PDLIM3: variants seen among roughly 807,000 people sequenced by gnomAD.
PDLIM3 encodes PDZ and LIM domain 3, also known as PDZ and LIM domain protein 3.
PDLIM3 carries 36 observed loss-of-function variants against 37.3 expected under a neutral mutation model. The ratio of observed to expected loss-of-function variants is 0.97; its 90% confidence interval spans 0.74 to 1.28. PDLIM3 has a LOEUF of 1.28. Ranked by LOEUF, PDLIM3 falls within the 50% of genes most tolerant of loss-of-function variation. The pLI is 0.00. For missense variants in PDLIM3, 454 were observed against 485.0 expected (o/e 0.94, Z 0.60); for synonymous variants, 174 against 182.4 (o/e 0.95, Z 0.37).
intron 7 of PDLIM3, among the ~76,000 whole-genome samples, chr4:185,503,543 A>G (rs538795536): frequency 1.3e-5 from 2 of 152,346 alleles, no homozygotes; most frequent in South Asian, 2.1e-4. Flanking sequence ...AGTTCATGGC[A>G]GGAGGAATGG....
At chr4:185,533,430 A>AGAAC (rs1178151771) in intron 1 of PDLIM3, among the ~76,000 whole-genome samples, 1 of 152,200 alleles carries the variant, frequency 6.6e-6, no homozygotes, top group Non-Finnish European at 1.5e-5. Flanking sequence ...TGAATAAATA[A>AGAAC]ATGTTCTTAT....
intron 1 of PDLIM3, among the ~76,000 whole-genome samples, chr4:185,532,412 CG>C (rs1561206480): frequency 6.6e-6 from 1 of 151,988 alleles, no homozygotes; most frequent in Non-Finnish European, 1.5e-5. Context: ...TTATACAGGC[CG>C]AAAGCTACAG....
At chr4:185,502,732 G>A (rs1344772518) in intron 7 of PDLIM3, among the ~76,000 whole-genome samples, 2 of 152,100 alleles carry the variant, frequency 1.3e-5, no homozygotes, top group Non-Finnish European at 2.9e-5. Flanking sequence ...TTTCAAACAA[G>A]TACTTTATAG....
At position 185,502,193 on chromosome 4, in the gene PDLIM3, G is replaced by A; in HGVS notation, c.*101C>T. ...GTCTAAAGCCTTGACTTTAGATTTG[G>A]AGTTGACAATCTGCACAATCCTTCT... On this transcript the variant is annotated 3_prime_UTR_variant, in exon 8 of 8. Coordinates refer to ENST00000284767, the MANE Select transcript of PDLIM3 (RefSeq NM_014476.6). 8.4e-7 allele frequency: 1 copy of A among 1,190,444 alleles called. No homozygotes were observed. The highest frequency in any genetic ancestry group is 1.2e-5 in the South Asian group (1 of 81,750). 73.7% of individuals were successfully genotyped at this position (1,190,444 alleles called of 1,614,324 possible).
intron 3 of PDLIM3, 68 bp downstream of exon 3, chr4:185,523,293 TC>T: frequency 9.4e-7 from 1 of 1,064,770 alleles, no homozygotes; most frequent in Non-Finnish European, 1.5e-6. Context: ...TGTCTCTTCC[TC>T]CCCTTGGAAG....
intron 6 of PDLIM3, among the ~76,000 whole-genome samples, chr4:185,506,158 A>G (rs75809706): frequency 0.037 from 5,663 of 152,274 alleles, 354 homozygotes; most frequent in African/African-American, 0.13. Context: ...TTTTTAGAGC[A>G]TTGTTTAGTT....
At chr4:185,526,863 G>A (rs2095735137) in intron 1 of PDLIM3, among the ~76,000 whole-genome samples, 1 of 152,118 alleles carries the variant, frequency 6.6e-6, no homozygotes, top group Admixed American at 6.6e-5. Flanking sequence ...AGGTTCAAAT[G>A]CTGCACTCTC....
In PDLIM3 at chr4:185,514,980, G is replaced by T; in HGVS notation, c.331-643C>A. The T allele has an allele frequency of 9.7e-7, 1 of 1,025,982 alleles. No homozygotes were observed. The highest frequency in any genetic ancestry group is 1.4e-6 in the Non-Finnish European group (1 of 722,074). The allele number at this position is 1,025,982 out of a possible 1,614,324, so 63.6% of individuals were successfully genotyped here. ...CAACAGCATCACTACTGTTAATAAAGGCATCTTTACCCACGACGAGATTGA... is the reference window on the plus strand; with the variant it reads ...CAACAGCATCACTACTGTTAATAAATGCATCTTTACCCACGACGAGATTGA... On this transcript the variant is annotated intron_variant, in intron 3 of 7. Coordinates refer to ENST00000284767, the MANE Select transcript of PDLIM3 (RefSeq NM_014476.6). The surrounding 1 kb of genome is among the most constrained non-coding windows in gnomAD (Gnocchi z 4.0).
At chr4:185,509,352 A>T (rs1244678578) in intron 4 of PDLIM3, among the ~76,000 whole-genome samples, 1 of 152,216 alleles carries the variant, frequency 6.6e-6, no homozygotes, top group Non-Finnish European at 1.5e-5. Flanking sequence ...TTCGATGCTT[A>T]TATTTCTTAC....
intron 1 of PDLIM3, among the ~76,000 whole-genome samples, chr4:185,526,325 G>C (rs147251298): frequency 6.6e-6 from 1 of 152,302 alleles, no homozygotes; most frequent in Admixed American, 6.5e-5. Context: ...CAAGACAGTA[G>C]ATTTTAATTA....
intron 1 of PDLIM3, among the ~76,000 whole-genome samples, chr4:185,531,830 A>AAT (rs1221897532): frequency 6.6e-6 from 1 of 151,522 alleles, no homozygotes; most frequent in Non-Finnish European, 1.5e-5. Flanking sequence ...GTGGTGGCTC[A>AAT]CGACTGTAAT....
chr4:185,515,903 T>A (rs545548867), intron 3 of PDLIM3: 123 of 152,236 alleles, frequency 8.1e-4, no homozygotes, highest in African/African-American at 2.8e-3. Flanking sequence ...TTTTTTTTAA[T>A]ATTTATTTAT....
chr4:185,512,624 T>C (rs2095708398), intron 4 of PDLIM3: 2 of 967,906 alleles, frequency 2.1e-6, no homozygotes, highest in Non-Finnish European at 2.5e-6. Flanking sequence ...ATGTTATAGG[T>C]TTTTAGTAAA....
chr4:185,508,396 G>A lies in PDLIM3; in HGVS notation c.565C>T (p.Gln189Ter). Residue 189 changes from glutamine (Q) to a stop codon, truncating the protein, a stop_gained, in exon 5 of 8, where the codon CAG becomes TAG. Transcript: ENST00000284767. LOFTEE classifies it high-confidence loss of function. ...TACAACTGCATAGGTGTATTAAACT[G>A]AGCATGTACAATCTTCACACCAGGA... is the stretch of plus-strand genomic sequence containing the variant. ...ELPGVKIVHA[Q>*]FNTPMQLYSD... is the part of the protein sequence containing the mutation. 1 of 1,614,120 alleles carries A rather than the reference G, an allele frequency of 6.2e-7. No homozygotes were observed. The highest frequency in any genetic ancestry group is 1.1e-5 in the South Asian group (1 of 91,066).
intron 3 of PDLIM3, among the ~76,000 whole-genome samples, chr4:185,518,727 G>A (rs533808488): frequency 2.0e-4 from 30 of 152,136 alleles, no homozygotes; most frequent in Non-Finnish European, 3.7e-4. Context: ...AGAGCTTGAG[G>A]AAATGGTGAC....
chr4:185,517,246 T>TA (rs2095716280), intron 3 of PDLIM3: 2 of 151,760 alleles, frequency 1.3e-5, no homozygotes, highest in South Asian at 4.2e-4. Context: ...GACAGCACAC[T>TA]AATTGCCTAA....
rs1401631307 is a variant in PDLIM3, at chr4:185,513,591, G to A, written c.398+679C>T. On this transcript the variant is annotated intron_variant, in intron 4 of 7. Coordinates refer to ENST00000284767, the MANE Select transcript of PDLIM3 (RefSeq NM_014476.6). ...AAATCCACCTATGGGCCATCAGTTTGCAACAGCTGCGGTAAATCATATTCA... is the reference window on the plus strand; with the variant it reads ...AAATCCACCTATGGGCCATCAGTTTACAACAGCTGCGGTAAATCATATTCA... 4 of 986,006 alleles carry A rather than the reference G, an allele frequency of 4.1e-6. No homozygotes were observed. In the East Asian group the frequency reaches 3.4e-4, roughly 84 times the overall value. 61.1% of individuals were successfully genotyped at this position (986,006 alleles called of 1,614,324 possible).
chr4:185,511,308 G>T (rs1003735658), intron 4 of PDLIM3, among the ~76,000 whole-genome samples: 1 of 151,882 alleles, frequency 6.6e-6, no homozygotes, highest in Admixed American at 6.6e-5. Flanking sequence ...AAGAACTATA[G>T]CTAATGGTAA....
chr4:185,531,024 A>G (rs903207007), intron 1 of PDLIM3, among the ~76,000 whole-genome samples: 5 of 151,414 alleles, frequency 3.3e-5, no homozygotes, highest in Non-Finnish European at 7.4e-5. Context: ...ACGTATATAT[A>G]TATAGGGTTT....
Sources: allele counts gnomAD v4.1 joint callset (sites outside exome capture counted in the v4.1 genomes callset), GRCh38; gene constraint gnomAD v4.1.1; non-coding constraint Gnocchi (gnomAD v3.1); transcripts MANE v1.5; gene names NCBI Gene and HGNC (gene_info 2026-07-23, HGNC 2026-07-21).